FHL5: variants seen among roughly 807,000 people sequenced by gnomAD.
The protein encoded by FHL5 is four and a half LIM domains 5, also known as four and a half LIM domains protein 5.
FHL5 carries 33 observed loss-of-function variants against 32.0 expected under a neutral mutation model. The ratio of observed to expected loss-of-function variants is 1.03; its 90% confidence interval spans 0.78 to 1.38. FHL5 has a LOEUF of 1.38. Among genes scored for constraint, FHL5 ranks in the 40% most tolerant of loss-of-function variants. The pLI, the probability that FHL5 is intolerant of heterozygous loss-of-function variation, is 0.00. For missense variants in FHL5, 336 were observed against 343.9 expected (o/e 0.98, Z 0.18); for synonymous variants, 114 against 113.6 (o/e 1.00, Z -0.02).
chr6:96,588,032 A>T (rs1770834379), intron 1 of FHL5, among the ~76,000 whole-genome samples: 1 of 152,208 alleles, frequency 6.6e-6, no homozygotes, highest in South Asian at 2.1e-4. Context: ...GGCTGTGAGC[A>T]TTGTTCCACA....
intron 1 of FHL5, among the ~76,000 whole-genome samples, chr6:96,570,972 AT>A (rs999853746): frequency 2.2e-4 from 33 of 151,496 alleles, no homozygotes; most frequent in Non-Finnish European, 7.4e-5. Flanking sequence ...ATTATTTTAC[AT>A]TTTTTTGGCA....
intron 1 of FHL5, among the ~76,000 whole-genome samples, chr6:96,595,353 CA>C (rs907698378): frequency 1.1e-4 from 16 of 151,440 alleles, no homozygotes; most frequent in African/African-American, 3.6e-4. Context: ...GTGTTTTAGA[CA>C]TTTTTTTTTC....
rs762075743 is a variant in FHL5, at chr6:96,610,730, G to C, written c.663G>C (p.Lys221Asn). The C allele has an allele frequency of 6.2e-7, 1 of 1,613,642 alleles. No homozygotes were observed. The highest frequency in any genetic ancestry group is 1.1e-5 in the South Asian group (1 of 91,010). Residue 221 changes from lysine (K) to asparagine (N), a missense_variant, in exon 5 of 6, where the codon AAG (lysine) becomes AAC (asparagine). Lys to Asn is a moderately conservative substitution (Grantham distance 94). Coordinates refer to ENST00000450218, the MANE Select transcript of FHL5 (RefSeq NM_001322466.2). ...GCTACAACCATCTTTATGCCAACAA[G>C]TGTGTAGCCTGTTCCAAACCCATTA... ...VDCYNHLYAN[K>N]CVACSKPISG...
intron 1 of FHL5, among the ~76,000 whole-genome samples, chr6:96,591,680 A>T (rs1023628501): frequency 3.9e-5 from 6 of 151,998 alleles, no homozygotes; most frequent in Non-Finnish European, 7.4e-5. Flanking sequence ...ATTTGTTATT[A>T]ATCTGAAAGT....
chr6:96,569,699 T>C (rs1310021492), intron 1 of FHL5, among the ~76,000 whole-genome samples: 1 of 152,012 alleles, frequency 6.6e-6, no homozygotes, highest in Non-Finnish European at 1.5e-5. Context: ...CTTTACCTGA[T>C]ATAAGTATAG....
At chr6:96,615,337 A>C (rs922745138) in intron 5 of FHL5, among the ~76,000 whole-genome samples, 1 of 152,158 alleles carries the variant, frequency 6.6e-6, no homozygotes, top group African/African-American at 2.4e-5. Context: ...TGTTTCCAAA[A>C]ATACCTGACT....
intron 1 of FHL5, among the ~76,000 whole-genome samples, chr6:96,596,945 C>A (rs1006963095): frequency 2.0e-5 from 3 of 152,126 alleles, no homozygotes; most frequent in African/African-American, 7.2e-5. Flanking sequence ...CTCTCTCTCC[C>A]AGATGCATTC....
At chr6:96,581,897 T>C (rs899541629) in intron 1 of FHL5, among the ~76,000 whole-genome samples, 4 of 152,222 alleles carry the variant, frequency 2.6e-5, no homozygotes, top group African/African-American at 9.6e-5. Context: ...ATTAGATCTA[T>C]AGCATCCATC....
intron 1 of FHL5, among the ~76,000 whole-genome samples, chr6:96,574,454 A>T (rs1770544813): frequency 1.3e-5 from 2 of 152,232 alleles, no homozygotes; most frequent in Non-Finnish European, 2.9e-5. Context: ...ATAAAACTTT[A>T]CTTATGAACA....
intron 1 of FHL5, among the ~76,000 whole-genome samples, chr6:96,593,416 C>T (rs1193105048): frequency 6.6e-6 from 1 of 152,098 alleles, no homozygotes; most frequent in Non-Finnish European, 1.5e-5. Context: ...TTTCTTCCTT[C>T]AGACAGGATG....
intron 1 of FHL5, among the ~76,000 whole-genome samples, chr6:96,597,197 A>G (rs562069118): frequency 6.6e-6 from 1 of 151,660 alleles, no homozygotes; most frequent in East Asian, 1.9e-4. Flanking sequence ...TTATATATAT[A>G]ATATATACCA....
chr6:96,568,036 T>C (rs1011078176), intron 1 of FHL5, among the ~76,000 whole-genome samples: 1 of 151,568 alleles, frequency 6.6e-6, no homozygotes. Flanking sequence ...TGAATAAAAG[T>C]GAGATGATTG....
chr6:96,597,148 C>A (rs923160213), intron 1 of FHL5, among the ~76,000 whole-genome samples: 11 of 152,020 alleles, frequency 7.2e-5, no homozygotes, highest in South Asian at 2.1e-4. Flanking sequence ...TGGTTGTATT[C>A]TTCTATCACT....
chr6:96,604,732 T>A lies in FHL5; in HGVS notation c.160-18T>A. The A allele has an allele frequency of 6.3e-7, 1 of 1,589,186 alleles. No individual in the cohort carries two copies. Among genetic ancestry groups the A allele is most frequent in the Non-Finnish European group, 8.6e-7 (1 of 1,168,250 alleles). Reference sequence around the variant, plus strand: ...TGTCACAACCACATTTAATTAACTTTTATTTACTGTCTCAAAGGATCTTTG... The same window carrying A: ...TGTCACAACCACATTTAATTAACTTATATTTACTGTCTCAAAGGATCTTTG... On this transcript the variant is annotated intron_variant, in intron 2 of 5. Coordinates refer to ENST00000450218, the MANE Select transcript of FHL5 (RefSeq NM_001322466.2).
rs751975052 is a variant in FHL5, at chr6:96,610,565, T to C, written c.505-7T>C. Reference sequence around the variant, plus strand: ...ATGGTCATTGCCTTTTCTGTGGTCTTTGGCAGGTGATAACTTCAGGTGGGA... The same window carrying C: ...ATGGTCATTGCCTTTTCTGTGGTCTCTGGCAGGTGATAACTTCAGGTGGGA... On this transcript the variant is annotated splice_region_variant and splice_polypyrimidine_tract_variant and intron_variant, in intron 4 of 5. Transcript: ENST00000450218. The C allele has an allele frequency of 1.2e-6, 2 of 1,611,578 alleles. No homozygotes were observed. The highest frequency in any genetic ancestry group is 4.5e-5 in the East Asian group (2 of 44,860).
intron 2 of FHL5, among the ~76,000 whole-genome samples, chr6:96,604,470 G>A (rs1771227373): frequency 6.6e-6 from 1 of 151,880 alleles, no homozygotes; most frequent in South Asian, 2.1e-4. Context: ...CTCTATTATA[G>A]TTTATAAAAA....
At chr6:96,590,349 G>A (rs1014621285) in intron 1 of FHL5, among the ~76,000 whole-genome samples, 1 of 151,856 alleles carries the variant, frequency 6.6e-6, no homozygotes, top group Non-Finnish European at 1.5e-5. Context: ...TCTATGTAGA[G>A]AGCTCATACA....
intron 1 of FHL5, among the ~76,000 whole-genome samples, chr6:96,577,338 A>G (rs920747864): frequency 4.0e-5 from 6 of 151,856 alleles, no homozygotes; most frequent in Non-Finnish European, 8.8e-5. Context: ...AGTTAACATC[A>G]ATCTCCACCA....
chr6:96,590,358 C>T (rs1231288193), intron 1 of FHL5, among the ~76,000 whole-genome samples: 2 of 152,066 alleles, frequency 1.3e-5, no homozygotes, highest in South Asian at 2.1e-4. Context: ...AGAGCTCATA[C>T]ATTCTTATTA....
Sources: allele counts gnomAD v4.1 joint callset (sites outside exome capture counted in the v4.1 genomes callset), GRCh38; gene constraint gnomAD v4.1.1; transcripts MANE v1.5; gene names NCBI Gene and HGNC (gene_info 2026-07-23, HGNC 2026-07-21).